The following THADA variants were observed in gnomAD, a reference collection of about 807,000 sequenced individuals.
The protein encoded by THADA is THADA armadillo repeat containing, also known as tRNA (32-2'-O)-methyltransferase regulator THADA.
Under a neutral mutation model 219.8 loss-of-function variants are expected in THADA, and 213 were observed. That is an observed-to-expected ratio of 0.97 (90% CI 0.87 to 1.09). The LOEUF (loss-of-function observed/expected upper bound fraction) is 1.09. Among genes scored for constraint, THADA ranks in the 50% least tolerant of loss-of-function variants. THADA has a pLI of 0.00. For synonymous variants in THADA, 1,018 were observed against 828.9 expected, an observed-to-expected ratio of 1.23 and a Z score of -3.92; for missense variants, 2,956 against 2,311.3, an observed-to-expected ratio of 1.28 and a Z score of -5.72.
intron 28 of THADA, among the ~76,000 whole-genome samples, chr2:43,413,031 C>G (rs1676487287): frequency 6.6e-6 from 1 of 152,216 alleles, no homozygotes; most frequent in African/African-American, 2.4e-5. Context: ...ATCTTTTGGT[C>G]AGAGTTCTGA....
chr2:43,532,046 A>T (rs1446471410), intron 21 of THADA, among the ~76,000 whole-genome samples: 1 of 151,798 alleles, frequency 6.6e-6, no homozygotes, highest in Non-Finnish European at 1.5e-5. Flanking sequence ...CTACTGTCAC[A>T]ACTTCTACTG....
At chr2:43,590,024 A>C (rs1490469845) in intron 4 of THADA, among the ~76,000 whole-genome samples, 1 of 152,164 alleles carries the variant, frequency 6.6e-6, no homozygotes, top group Non-Finnish European at 1.5e-5. Flanking sequence ...AAAAAGTAGA[A>C]TGTAACACAC....
At chr2:43,390,944 G>C (rs1673299689) in intron 29 of THADA, among the ~76,000 whole-genome samples, 1 of 152,184 alleles carries the variant, frequency 6.6e-6, no homozygotes, top group African/African-American at 2.4e-5. Context: ...CAGAGAAGCA[G>C]TATACTACAG....
At chr2:43,355,520 T>C (rs566403603) in intron 29 of THADA, among the ~76,000 whole-genome samples, 2 of 152,342 alleles carry the variant, frequency 1.3e-5, no homozygotes, top group South Asian at 4.1e-4. Context: ...CATCCTTTTA[T>C]CCATATTTGC....
intron 26 of THADA, among the ~76,000 whole-genome samples, chr2:43,444,868 AT>A (rs1558771232): frequency 6.6e-6 from 1 of 152,182 alleles, no homozygotes; most frequent in East Asian, 1.9e-4. Flanking sequence ...CAAAGCCACC[AT>A]GTAGGAGTAA....
chr2:43,587,630 G>A (rs1701159598), intron 4 of THADA, among the ~76,000 whole-genome samples: 1 of 152,128 alleles, frequency 6.6e-6, no homozygotes, highest in Non-Finnish European at 1.5e-5. Flanking sequence ...TATATGAAGT[G>A]ACCATAATAT....
At chr2:43,449,495 TA>T (rs1263202980) in intron 26 of THADA, among the ~76,000 whole-genome samples, 1 of 151,950 alleles carries the variant, frequency 6.6e-6, no homozygotes, top group African/African-American at 2.4e-5. Context: ...TAGGATAAAC[TA>T]AAAAAGACCC....
chr2:43,444,528 G>T (rs1681268472), intron 26 of THADA, among the ~76,000 whole-genome samples: 1 of 152,126 alleles, frequency 6.6e-6, no homozygotes, highest in Non-Finnish European at 1.5e-5. Context: ...CATTTTGGTA[G>T]GCTTTTAATC....
chr2:43,486,388 T>G (rs149638236), intron 25 of THADA: 20 of 152,276 alleles, frequency 1.3e-4, no homozygotes, highest in African/African-American at 4.8e-4. Flanking sequence ...CACTATAGGC[T>G]TCCTCAATTA....
At chr2:43,534,252 A>G (rs1694262362) in intron 21 of THADA, among the ~76,000 whole-genome samples, 1 of 152,234 alleles carries the variant, frequency 6.6e-6, no homozygotes, top group Non-Finnish European at 1.5e-5. Context: ...TTCAATACAT[A>G]TAATAAATAG....
intron 29 of THADA, among the ~76,000 whole-genome samples, chr2:43,359,464 G>T (rs1409648580): frequency 1.3e-5 from 2 of 152,242 alleles, no homozygotes; most frequent in Non-Finnish European, 2.9e-5. Flanking sequence ...CAGATCACTT[G>T]AGGTCAGGAG....
At chr2:43,556,890 A>G (rs1039115279) in intron 16 of THADA, among the ~76,000 whole-genome samples, 2 of 152,186 alleles carry the variant, frequency 1.3e-5, no homozygotes, top group South Asian at 2.1e-4. Context: ...ACACGGTGAG[A>G]CAAAAAACTT....
chr2:43,446,111 T>C (rs902485854), intron 26 of THADA, among the ~76,000 whole-genome samples: 1 of 152,248 alleles, frequency 6.6e-6, no homozygotes, highest in Non-Finnish European at 1.5e-5. Flanking sequence ...GCAGCTTACA[T>C]GGGTATTTTT....
chr2:43,472,966 C>A (rs536559750), intron 26 of THADA, among the ~76,000 whole-genome samples: 7 of 152,246 alleles, frequency 4.6e-5, no homozygotes, highest in Middle Eastern at 3.4e-3. Context: ...ATGGAGCCTG[C>A]AGGACTGGAA....
At chr2:43,447,918 T>C (rs949156030) in intron 26 of THADA, among the ~76,000 whole-genome samples, 10 of 152,224 alleles carry the variant, frequency 6.6e-5, no homozygotes, top group African/African-American at 2.4e-4. Context: ...TTTTTATATA[T>C]ATATATTCCT....
At chr2:43,401,557 C>T (rs1674844855) in intron 28 of THADA, among the ~76,000 whole-genome samples, 4 of 152,186 alleles carry the variant, frequency 2.6e-5, no homozygotes, top group Middle Eastern at 3.2e-3. Context: ...GGATTATAGG[C>T]GTGAGCCACC....
At position 43,556,370 on chromosome 2, in the gene THADA, A is replaced by G; in HGVS notation, c.2649T>C (p.Ala883=). The G allele has an allele frequency of 6.2e-7, 1 of 1,613,892 alleles. No individual in the cohort carries two copies. The highest frequency in any genetic ancestry group is 8.5e-7 in the Non-Finnish European group (1 of 1,179,814). The part of the protein sequence containing the change: ...VACDNGDRPA[A]VVERNTLMVI... ...CCATTAATGTGTTCCTTTCCACCACAGCAGCAGGCCTATCTCCATTATCAC... is the reference window on the plus strand; with the variant it reads ...CCATTAATGTGTTCCTTTCCACCACGGCAGCAGGCCTATCTCCATTATCAC... Residue 883 remains alanine (A), a synonymous_variant, in exon 17 of 38, where the codon GCT becomes GCC. Coordinates refer to ENST00000405975, the MANE Select transcript of THADA (RefSeq NM_022065.5).
chr2:43,440,195 A>AT (rs1680671072), intron 26 of THADA, among the ~76,000 whole-genome samples: 1 of 152,186 alleles, frequency 6.6e-6, no homozygotes, highest in Non-Finnish European at 1.5e-5. Context: ...ACAAATAATC[A>AT]CATTATATAC....
intron 28 of THADA, among the ~76,000 whole-genome samples, chr2:43,401,229 T>G (rs1319381880): frequency 6.6e-6 from 1 of 152,240 alleles, no homozygotes; most frequent in African/African-American, 2.4e-5. Context: ...TTTTAATCAC[T>G]TATTTATTGA....
Sources: gnomAD v4.1 joint callset for allele counts (sites outside exome capture counted in the v4.1 genomes callset) on GRCh38, gnomAD v4.1.1 for gene constraint, MANE v1.5 for transcripts, NCBI Gene and HGNC (gene_info 2026-07-23, HGNC 2026-07-21) for gene names.